TNNI3K: variants seen among roughly 807,000 people sequenced by gnomAD.
TNNI3K encodes the protein serine/threonine-protein kinase TNNI3K.
In TNNI3K, 140 loss-of-function variants were observed where a neutral mutation model predicts 114.5. The observed-to-expected ratio is 1.22, with a 90% CI of 1.07 to 1.41. TNNI3K has a LOEUF of 1.41. TNNI3K is among the 40% of genes most tolerant of loss of function. TNNI3K has a pLI of 0.00. For missense variants in TNNI3K, 1,125 were observed against 1,007.6 expected, an observed-to-expected ratio of 1.12 and a Z score of -1.58; for synonymous variants, 347 against 347.5, an observed-to-expected ratio of 1.00 and a Z score of 0.02.
chr1:74,344,589 G>A (rs1368041311), intron 9 of TNNI3K, among the ~76,000 whole-genome samples: 1 of 152,166 alleles, frequency 6.6e-6, no homozygotes, highest in Admixed American at 6.5e-5. Flanking sequence ...GAACTGATAT[G>A]TACTGGTTGC....
chr1:74,345,376 G>A (rs145102309), intron 9 of TNNI3K, among the ~76,000 whole-genome samples: 3 of 152,168 alleles, frequency 2.0e-5, no homozygotes, highest in African/African-American at 7.2e-5. Context: ...GTAAACAGAG[G>A]TGTATCCAAT....
At chr1:74,250,580 C>T (rs1570370139) in intron 3 of TNNI3K, 92 bp from the exon 4 acceptor site, 1 of 1,159,340 alleles carries the variant, frequency 8.6e-7, no homozygotes, top group East Asian at 2.8e-5. Context: ...CATTTTTATA[C>T]AGCTGTATGG....
intron 5 of TNNI3K, among the ~76,000 whole-genome samples, chr1:74,292,337 T>G (rs1299381869): frequency 6.6e-6 from 1 of 151,572 alleles, no homozygotes; most frequent in African/African-American, 2.4e-5. Context: ...TATTTAGCCT[T>G]TTTTTTCTAA....
In TNNI3K at chr1:74,544,119, A is replaced by G. The variant is rs996748945; in HGVS notation, c.*137A>G. On this transcript the variant is annotated 3_prime_UTR_variant, in exon 25 of 25. Coordinates refer to ENST00000326637, the MANE Select transcript of TNNI3K (RefSeq NM_015978.3). Reference sequence around the variant, plus strand: ...AATTGGGCTTGTTTTTACTTGTCCTATTTAATTCCCCACTATTAGCAGGCT... The same window carrying G: ...AATTGGGCTTGTTTTTACTTGTCCTGTTTAATTCCCCACTATTAGCAGGCT... 4.7e-6 allele frequency: 4 copies of G among 856,026 alleles called. No homozygotes were observed. The highest frequency in any genetic ancestry group is 3.6e-5 in the Admixed American group (1 of 27,890). 53.0% of individuals were successfully genotyped at this position (856,026 alleles called of 1,614,324 possible).
At chr1:74,274,236 G>T (rs1336073634) in intron 5 of TNNI3K, among the ~76,000 whole-genome samples, 1 of 151,980 alleles carries the variant, frequency 6.6e-6, no homozygotes, top group African/African-American at 2.4e-5. Context: ...TTAAGTGGAA[G>T]TGGATAATCA....
At chr1:74,237,143 T>G (rs949665663) in intron 2 of TNNI3K, among the ~76,000 whole-genome samples, 5 of 151,924 alleles carry the variant, frequency 3.3e-5, no homozygotes, top group African/African-American at 1.2e-4. Flanking sequence ...AATTCGTCAA[T>G]GGATGTAACA....
At position 74,319,582 on chromosome 1, in the gene TNNI3K, G is replaced by T. The variant is rs565261448; in HGVS notation, c.445-11868G>T. On this transcript the variant is annotated intron_variant, in intron 5 of 24. Transcript: ENST00000326637. Reference sequence around the variant, plus strand: ...ATTACCCCAGGAAACTTAGCATGATGCTATACTCATGTTTTGGCCTCATCT... The same window carrying T: ...ATTACCCCAGGAAACTTAGCATGATTCTATACTCATGTTTTGGCCTCATCT... 6.5e-3 allele frequency among the ~76,000 whole-genome samples: 993 copies of T among 152,250 alleles called. 10 individuals carry two copies. The highest frequency in any genetic ancestry group is 0.023 in the African/African-American group (947 of 41,550).
chr1:74,394,693 G>C (rs905200245), intron 17 of TNNI3K, among the ~76,000 whole-genome samples: 19 of 152,310 alleles, frequency 1.2e-4, no homozygotes, highest in Middle Eastern at 3.4e-3. Context: ...AAGCCTCTGA[G>C]CTAAATAGGA....
At chr1:74,413,806 A>G (rs1330938096) in intron 17 of TNNI3K, among the ~76,000 whole-genome samples, 1 of 152,194 alleles carries the variant, frequency 6.6e-6, no homozygotes, top group East Asian at 1.9e-4. Flanking sequence ...GAGAATAGAA[A>G]ACAATGTGCC....
intron 17 of TNNI3K, chr1:74,401,795 T>A (rs1259636266): frequency 2.2e-6 from 1 of 446,318 alleles, no homozygotes; most frequent in South Asian, 1.6e-5. Flanking sequence ...TTAATTCAAA[T>A]CTCTTCTTAT....
At chr1:74,452,670 A>G (rs1667075776) in intron 20 of TNNI3K, among the ~76,000 whole-genome samples, 1 of 152,214 alleles carries the variant, frequency 6.6e-6, no homozygotes, top group African/African-American at 2.4e-5. Flanking sequence ...AAATTTGAAC[A>G]TAGCACTTCT....
At chr1:74,351,749 T>C (rs973132730) in intron 9 of TNNI3K, among the ~76,000 whole-genome samples, 5 of 152,222 alleles carry the variant, frequency 3.3e-5, no homozygotes, top group Non-Finnish European at 7.3e-5. Flanking sequence ...TTTCTTCCAG[T>C]TGATCGCATC....
intron 23 of TNNI3K, among the ~76,000 whole-genome samples, chr1:74,510,412 G>A (rs1670126341): frequency 6.6e-6 from 1 of 152,160 alleles, no homozygotes; most frequent in Non-Finnish European, 1.5e-5. Flanking sequence ...GGAGGCTGAG[G>A]CAGGAGAATG....
chr1:74,511,184 G>A (rs566455852), intron 23 of TNNI3K, among the ~76,000 whole-genome samples: 52 of 136,396 alleles, frequency 3.8e-4, no homozygotes, highest in African/African-American at 1.1e-3. Flanking sequence ...GTGAGCTACC[G>A]TGCCCGGCCT....
chr1:74,501,644 G>A lies in TNNI3K; in HGVS notation c.2351+9378G>A, dbSNP rs531065047. The stretch of plus-strand genomic sequence containing the variant: ...TGGGATTACAGGCACGCACTACCAC[G>A]CCCGGGTAATTTTTGTACTTTTTTA... On this transcript the variant is annotated intron_variant, in intron 23 of 24. Transcript: ENST00000326637. Among the ~76,000 whole-genome samples, 18 of 151,970 alleles carry A rather than the reference G, an allele frequency of 1.2e-4. No homozygotes were observed. In the South Asian group the frequency reaches 3.7e-3, roughly 32 times the overall value.
chr1:74,406,585 C>T (rs914091462), intron 17 of TNNI3K, among the ~76,000 whole-genome samples: 3 of 152,190 alleles, frequency 2.0e-5, no homozygotes, highest in Non-Finnish European at 2.9e-5. Flanking sequence ...TTTAAGGCCT[C>T]TGGTGATTAG....
intron 17 of TNNI3K, among the ~76,000 whole-genome samples, chr1:74,434,197 A>T (rs976430692): frequency 2.6e-5 from 4 of 152,024 alleles, no homozygotes; most frequent in Non-Finnish European, 5.9e-5. Flanking sequence ...TTGTTCTCTA[A>T]TTTCAAATTC....
Position 74,463,539 on chromosome 1 carries a change from G to A in TNNI3K, c.2110G>A (p.Ala704Thr), listed in dbSNP as rs142979318. 1.2e-5 allele frequency: 20 copies of A among 1,614,190 alleles called. No individual in the cohort carries two copies. The highest frequency in any genetic ancestry group is 3.3e-4 in the Middle Eastern group (2 of 6,062). ...ISSLLIRGWN[A>T]CPEGRPEFSE... ...ATCTCTGCTGATACGAGGGTGGAAC[G>A]CATGTCCTGAAGTGAGTAATTTTTA... Residue 704 changes from alanine (A) to threonine (T), a missense_variant, in exon 21 of 25, where the codon GCA (alanine) becomes ACA (threonine). Transcript: ENST00000326637.
intron 5 of TNNI3K, among the ~76,000 whole-genome samples, chr1:74,282,757 T>C (rs183191426): frequency 6.6e-6 from 1 of 152,310 alleles, no homozygotes; most frequent in Admixed American, 6.5e-5. Flanking sequence ...GAATCTGTTA[T>C]GTAGCCTGAT....
Sources: allele counts gnomAD v4.1 joint callset (sites outside exome capture counted in the v4.1 genomes callset), GRCh38; gene constraint gnomAD v4.1.1; transcripts MANE v1.5; gene names NCBI Gene and HGNC (gene_info 2026-07-23, HGNC 2026-07-21).